The following PXDNL variants were observed in gnomAD, a reference collection of about 807,000 sequenced individuals.
PXDNL encodes probable oxidoreductase PXDNL.
In PXDNL, 145 loss-of-function variants were observed where a neutral mutation model predicts 150.8. That is an observed-to-expected ratio of 0.96 (90% CI 0.84 to 1.10). The LOEUF (loss-of-function observed/expected upper bound fraction) is 1.10, where lower values mean the gene tolerates loss of function less well. Ranked by LOEUF, PXDNL falls within the 50% of genes least tolerant of loss-of-function variation. PXDNL has a pLI of 0.00. For missense variants in PXDNL, 2,087 were observed against 1,873.9 expected, an observed-to-expected ratio of 1.11 and a Z score of -2.10; for synonymous variants, 757 against 725.7, an observed-to-expected ratio of 1.04 and a Z score of -0.69.
chr8:51,332,200 C>T (rs952342446), intron 21 of PXDNL, among the ~76,000 whole-genome samples: 4 of 150,174 alleles, frequency 2.7e-5, no homozygotes, highest in African/African-American at 9.8e-5. Context: ...TGTAGACTCG[C>T]TGGATGGCTA....
chr8:51,468,490 A>G (rs1810252861), intron 8 of PXDNL, among the ~76,000 whole-genome samples: 1 of 106,780 alleles, frequency 9.4e-6, no homozygotes, highest in Non-Finnish European at 1.9e-5. Context: ...CAGTGTCATA[A>G]TGTTTCAGAT....
At chr8:51,778,781 C>T (rs1045747424) in intron 1 of PXDNL, among the ~76,000 whole-genome samples, 1 of 152,208 alleles carries the variant, frequency 6.6e-6, no homozygotes, top group African/African-American at 2.4e-5. Context: ...CTTAAAATAA[C>T]TGCTATGTCT....
intron 8 of PXDNL, among the ~76,000 whole-genome samples, chr8:51,465,150 C>T (rs1586128556): frequency 6.6e-6 from 1 of 152,182 alleles, no homozygotes; most frequent in East Asian, 1.9e-4. Context: ...TCCCAAAATC[C>T]TCAACAAAAT....
chr8:51,556,543 G>A (rs975887494), intron 4 of PXDNL, among the ~76,000 whole-genome samples: 8 of 152,096 alleles, frequency 5.3e-5, no homozygotes, highest in African/African-American at 1.2e-4. Context: ...CATGCACCAC[G>A]GAAATATGTG....
chr8:51,477,549 A>G (rs1324937995), intron 6 of PXDNL, among the ~76,000 whole-genome samples: 1 of 152,226 alleles, frequency 6.6e-6, no homozygotes, highest in African/African-American at 2.4e-5. Flanking sequence ...CTAGTTCAAC[A>G]GTATTGTGTT....
chr8:51,438,926 A>C (rs1465363962), intron 12 of PXDNL, among the ~76,000 whole-genome samples: 2 of 152,324 alleles, frequency 1.3e-5, no homozygotes, highest in Non-Finnish European at 2.9e-5. Context: ...AATCAACACG[A>C]GATTGATCAA....
In PXDNL at chr8:51,350,134, G is replaced by A. The variant is rs185084778; in HGVS notation, c.3902-4187C>T. On this transcript the variant is annotated intron_variant, in intron 19 of 22. Transcript: ENST00000356297. Reference sequence around the variant, plus strand: ...GGCATAAAGTTTAATAGACAAAAAAGAAGAGAAAGAAAAAAAGCTTCCTTA... The same window carrying A: ...GGCATAAAGTTTAATAGACAAAAAAAAAGAGAAAGAAAAAAAGCTTCCTTA... 6.2e-4 allele frequency among the ~76,000 whole-genome samples: 94 copies of A among 152,042 alleles called. 1 individual carries two copies. Among genetic ancestry groups the A allele is most frequent in the African/African-American group, 2.2e-3 (91 of 41,502 alleles).
intron 1 of PXDNL, among the ~76,000 whole-genome samples, chr8:51,732,155 T>C (rs1171704775): frequency 6.6e-6 from 1 of 152,206 alleles, no homozygotes; most frequent in Non-Finnish European, 1.5e-5. Context: ...AGCATATCTT[T>C]GTGAATACAT....
chr8:51,653,666 G>T (rs1411494454), intron 2 of PXDNL, among the ~76,000 whole-genome samples: 1 of 152,156 alleles, frequency 6.6e-6, no homozygotes, highest in Non-Finnish European at 1.5e-5. Flanking sequence ...GTGTGTTCCG[G>T]CATCAGTTAC....
chr8:51,802,281 A>G (rs761288093), intron 1 of PXDNL, among the ~76,000 whole-genome samples: 6 of 152,162 alleles, frequency 3.9e-5, no homozygotes, highest in Non-Finnish European at 5.9e-5. Context: ...GAAGACCAAC[A>G]AAGTTATGTA....
At chr8:51,661,072 A>G (rs73574262) in intron 1 of PXDNL, among the ~76,000 whole-genome samples, 11,159 of 152,260 alleles carry the variant, frequency 0.073, 1,360 homozygotes, top group African/African-American at 0.25. Context: ...GTTGCTCTAA[A>G]ACAAGTCGTC....
chr8:51,493,415 G>A (rs188330549), intron 5 of PXDNL, among the ~76,000 whole-genome samples: 227 of 152,288 alleles, frequency 1.5e-3, no homozygotes, highest in Admixed American at 2.9e-3. Context: ...CACCAGCAAC[G>A]GAACAAAGCT....
chr8:51,439,929 A>G (rs1226278541), intron 12 of PXDNL, among the ~76,000 whole-genome samples: 1 of 152,100 alleles, frequency 6.6e-6, no homozygotes, highest in Non-Finnish European at 1.5e-5. Context: ...CACCAAAAAG[A>G]TACTTGCACA....
At chr8:51,700,289 A>G (rs1816227169) in intron 1 of PXDNL, among the ~76,000 whole-genome samples, 1 of 152,058 alleles carries the variant, frequency 6.6e-6, no homozygotes, top group Admixed American at 6.6e-5. Context: ...ATACATACAT[A>G]CACATGTACA....
intron 17 of PXDNL, among the ~76,000 whole-genome samples, chr8:51,402,533 A>C (rs1444556204): frequency 2.6e-5 from 4 of 152,190 alleles, no homozygotes; most frequent in Non-Finnish European, 5.9e-5. Context: ...TAAATAAATA[A>C]ATAAAGCCGA....
At chr8:51,472,983 T>A (rs1316871704) in intron 7 of PXDNL, among the ~76,000 whole-genome samples, 1 of 152,168 alleles carries the variant, frequency 6.6e-6, no homozygotes, top group Non-Finnish European at 1.5e-5. Flanking sequence ...AAACTCTTCC[T>A]TTTATAAGTG....
intron 17 of PXDNL, among the ~76,000 whole-genome samples, chr8:51,397,336 T>C (rs550169278): frequency 1.3e-5 from 2 of 152,200 alleles, no homozygotes; most frequent in Non-Finnish European, 2.9e-5. Context: ...AAATTTCTGG[T>C]TTGCTATTTA....
At chr8:51,567,541 GT>G (rs1351969127) in intron 3 of PXDNL, among the ~76,000 whole-genome samples, 8 of 151,598 alleles carry the variant, frequency 5.3e-5, no homozygotes, top group African/African-American at 1.9e-4. Context: ...AATACTTTTT[GT>G]TTTTGTCCTT....
At chr8:51,409,939 AAG>A (rs1227550152) in intron 16 of PXDNL, among the ~76,000 whole-genome samples, 2 of 152,174 alleles carry the variant, frequency 1.3e-5, no homozygotes, top group Non-Finnish European at 2.9e-5. Flanking sequence ...GCAAAATGGA[AAG>A]AGAACAGGTG....
Sources: gnomAD v4.1 joint callset for allele counts (sites outside exome capture counted in the v4.1 genomes callset) on GRCh38, gnomAD v4.1.1 for gene constraint, MANE v1.5 for transcripts, NCBI Gene and HGNC (gene_info 2026-07-23, HGNC 2026-07-21) for gene names.